The following PDE7B variants were observed in gnomAD, a reference collection of about 807,000 sequenced individuals.
PDE7B encodes the protein phosphodiesterase 7B.
Under a neutral mutation model 56.2 loss-of-function variants are expected in PDE7B, and 29 were observed. That is an observed-to-expected ratio of 0.52 (90% CI 0.38 to 0.70). PDE7B has a LOEUF of 0.70. Ranked by LOEUF, PDE7B falls within the 30% of genes least tolerant of loss-of-function variation. The probability of loss-of-function intolerance (pLI) is 0.00; values close to 1 mark genes in which losing one functional copy is unlikely to be tolerated. For missense variants in PDE7B, 490 were observed against 565.0 expected (o/e 0.87, Z 1.35); for synonymous variants, 197 against 196.9 (o/e 1.00, Z 0.00).
At chr6:136,027,328 C>T (rs1450361981) in intron 2 of PDE7B, among the ~76,000 whole-genome samples, 1 of 152,214 alleles carries the variant, frequency 6.6e-6, no homozygotes, top group African/African-American at 2.4e-5. Context: ...GGTAATAAAA[C>T]ACTTTTCTTA....
chr6:136,002,491 A>G (rs1583821533), intron 2 of PDE7B, among the ~76,000 whole-genome samples: 1 of 152,326 alleles, frequency 6.6e-6, no homozygotes, highest in Non-Finnish European at 1.5e-5. Context: ...GATCAAAATA[A>G]AAGGATAGAG....
intron 6 of PDE7B, among the ~76,000 whole-genome samples, chr6:136,152,007 G>A (rs1778528148): frequency 6.6e-6 from 1 of 152,136 alleles, no homozygotes; most frequent in East Asian, 1.9e-4. Context: ...TCAAGTGGAT[G>A]TGGATCATCA....
intron 2 of PDE7B, among the ~76,000 whole-genome samples, chr6:136,085,565 C>T (rs1031624284): frequency 6.6e-6 from 1 of 152,126 alleles, no homozygotes; most frequent in Non-Finnish European, 1.5e-5. Flanking sequence ...GCCTGGCTGA[C>T]TTTTGGTTGA....
At chr6:136,013,188 C>G (rs1379355081) in intron 2 of PDE7B, among the ~76,000 whole-genome samples, 3 of 152,108 alleles carry the variant, frequency 2.0e-5, no homozygotes, top group Non-Finnish European at 4.4e-5. Context: ...AGTCACTTCT[C>G]TAAGACAGGC....
intron 2 of PDE7B, among the ~76,000 whole-genome samples, chr6:136,092,434 A>C (rs1156612490): frequency 6.6e-6 from 1 of 152,206 alleles, no homozygotes; most frequent in Non-Finnish European, 1.5e-5. Context: ...AAATTTTCAA[A>C]TAGGAAGAAA....
rs866458725 is a variant in PDE7B, at chr6:136,155,942, C to T, written c.711+184C>T. 8 of 717,298 alleles carry T rather than the reference C, an allele frequency of 1.1e-5. No homozygotes were observed. The African/African-American group carries it at 1.4e-4, about 13-fold the overall frequency. 44.4% of individuals were successfully genotyped at this position (717,298 alleles called of 1,614,324 possible). ...TCAGATGCTCAAAATGAGCAAAATC[C>T]AAGCAAACTTAATCCCAGTTTGAAA... On this transcript the variant is annotated intron_variant, in intron 8 of 12. Coordinates refer to ENST00000308191, the MANE Select transcript of PDE7B (RefSeq NM_018945.4).
intron 2 of PDE7B, among the ~76,000 whole-genome samples, chr6:136,001,323 ACCAG>A (rs2128206108): frequency 1.3e-5 from 2 of 152,346 alleles, no homozygotes; most frequent in African/African-American, 4.8e-5. Context: ...GCAGTTCCTC[ACCAG>A]CAACGGAACA....
intron 1 of PDE7B, among the ~76,000 whole-genome samples, chr6:135,920,252 C>G (rs1197313601): frequency 6.6e-6 from 1 of 152,114 alleles, no homozygotes; most frequent in Non-Finnish European, 1.5e-5. Context: ...TGCTTCATAT[C>G]ATTTCCAATT....
chr6:135,935,200 A>ATATATTTTTATATATATATT (rs1774398905), intron 1 of PDE7B, among the ~76,000 whole-genome samples: 1 of 86,038 alleles, frequency 1.2e-5, no homozygotes, highest in Non-Finnish European at 2.1e-5. Context: ...TTATATATAT[A>ATATATTTTTATATATATATT]TATATATATA....
At chr6:135,893,392 A>G (rs1225751720) in intron 1 of PDE7B, among the ~76,000 whole-genome samples, 1 of 152,100 alleles carries the variant, frequency 6.6e-6, no homozygotes, top group Non-Finnish European at 1.5e-5. Context: ...TACAAAGGAC[A>G]TGAACTCATC....
At chr6:136,053,783 T>C (rs2128211575) in intron 2 of PDE7B, among the ~76,000 whole-genome samples, 1 of 152,240 alleles carries the variant, frequency 6.6e-6, no homozygotes, top group African/African-American at 2.4e-5. Flanking sequence ...TCATTGTGGT[T>C]TTGATTTGCA....
intron 2 of PDE7B, among the ~76,000 whole-genome samples, chr6:136,056,120 A>G (rs896783426): frequency 1.3e-5 from 2 of 152,162 alleles, no homozygotes; most frequent in African/African-American, 4.8e-5. Context: ...ATGGCACTAG[A>G]AAGACATGTT....
chr6:136,111,706 C>T (rs1348902831), intron 3 of PDE7B, among the ~76,000 whole-genome samples: 1 of 152,142 alleles, frequency 6.6e-6, no homozygotes, highest in Non-Finnish European at 1.5e-5. Context: ...TGCTTTATGC[C>T]TAAAGGGAAA....
chr6:135,873,044 G>A (rs554543985), intron 1 of PDE7B, among the ~76,000 whole-genome samples: 2 of 152,058 alleles, frequency 1.3e-5, no homozygotes, highest in Non-Finnish European at 2.9e-5. Context: ...AACGTTCTAT[G>A]TAACGAATAA....
intron 2 of PDE7B, among the ~76,000 whole-genome samples, chr6:135,994,300 C>T (rs556391928): frequency 3.1e-4 from 47 of 152,124 alleles, no homozygotes; most frequent in African/African-American, 1.1e-3. Flanking sequence ...TTATTTTACA[C>T]TTCATACGAA....
At chr6:135,886,727 A>G in intron 1 of PDE7B, among the ~76,000 whole-genome samples, 1 of 152,182 alleles carries the variant, frequency 6.6e-6, no homozygotes, top group Non-Finnish European at 1.5e-5. Flanking sequence ...GTAGTATTCC[A>G]TAGTGTATAT....
intron 2 of PDE7B, chr6:136,034,160 T>C (rs1776287829): frequency 6.6e-6 from 1 of 152,186 alleles, no homozygotes; most frequent in Non-Finnish European, 1.5e-5. Flanking sequence ...GAAAGGTACA[T>C]TCTCTAGAAT....
At chr6:135,929,744 G>A (rs1037427943) in intron 1 of PDE7B, among the ~76,000 whole-genome samples, 5 of 152,172 alleles carry the variant, frequency 3.3e-5, no homozygotes, top group Non-Finnish European at 7.3e-5. Context: ...CTCAACAGAT[G>A]GTGCTACGAG....
intron 2 of PDE7B, among the ~76,000 whole-genome samples, chr6:135,972,052 T>C (rs1775102396): frequency 6.6e-6 from 1 of 151,772 alleles, no homozygotes; most frequent in East Asian, 1.9e-4. Flanking sequence ...CTTACCAACA[T>C]GGAGCTACCC....
Sources: allele counts gnomAD v4.1 joint callset (sites outside exome capture counted in the v4.1 genomes callset), GRCh38; gene constraint gnomAD v4.1.1; transcripts MANE v1.5; gene names NCBI Gene and HGNC (gene_info 2026-07-23, HGNC 2026-07-21).